Variants in TAFA2 observed in about 807,000 individuals in gnomAD.
TAFA2 encodes TAFA chemokine like family member 2.
A neutral mutation model predicts 18.8 loss-of-function variants in TAFA2; 7 were observed. The ratio of observed to expected loss-of-function variants is 0.37; its 90% CI spans 0.21 to 0.70. The LOEUF (loss-of-function observed/expected upper bound fraction) is 0.70. Ranked by LOEUF, TAFA2 falls within the 30% of genes least tolerant of loss-of-function variation. The probability of loss-of-function intolerance (pLI) is 0.53; values close to 1 mark genes in which losing one functional copy is unlikely to be tolerated. For missense variants in TAFA2, 122 were observed against 158.1 expected, an observed-to-expected ratio of 0.77 and a Z score of 1.23; for synonymous variants, 60 against 54.2, an observed-to-expected ratio of 1.11 and a Z score of -0.47.
chr12:61,888,270 T>C (rs1171820861), intron 1 of TAFA2, among the ~76,000 whole-genome samples: 1 of 152,180 alleles, frequency 6.6e-6, no homozygotes, highest in Non-Finnish European at 1.5e-5. Context: ...GCTAATTGCT[T>C]TTATAAGTGT....
chr12:61,738,319 A>ACACACG (rs1389421169), intron 4 of TAFA2, among the ~76,000 whole-genome samples: 1 of 147,276 alleles, frequency 6.8e-6, no homozygotes, highest in Admixed American at 6.9e-5. Context: ...ACACACACAC[A>ACACACG]CACACACACA....
intron 1 of TAFA2, among the ~76,000 whole-genome samples, chr12:62,010,271 C>T (rs370408627): frequency 6.6e-6 from 1 of 151,632 alleles, no homozygotes; most frequent in African/African-American, 2.4e-5. Context: ...CCCGGGCTCC[C>T]GTGGTTCTCC....
intron 4 of TAFA2, among the ~76,000 whole-genome samples, chr12:61,728,497 T>A (rs1285078127): frequency 6.6e-6 from 1 of 152,020 alleles, no homozygotes; most frequent in Non-Finnish European, 1.5e-5. Flanking sequence ...CCTCCTTTTT[T>A]TAATTGTTGT....
intron 1 of TAFA2, among the ~76,000 whole-genome samples, chr12:61,939,670 A>T (rs1177341579): frequency 1.3e-5 from 2 of 152,352 alleles, no homozygotes; most frequent in African/African-American, 4.8e-5. Context: ...GATACACATA[A>T]AATATGTAAT....
At chr12:62,159,079 A>G (rs76758071) in intron 1 of TAFA2, among the ~76,000 whole-genome samples, 7,203 of 152,350 alleles carry the variant, frequency 0.047, 252 homozygotes, top group Non-Finnish European at 0.073. Flanking sequence ...GACAGGAAAC[A>G]TAATTTCTTC....
At chr12:62,012,020 G>T (rs1880788260) in intron 1 of TAFA2, among the ~76,000 whole-genome samples, 1 of 152,168 alleles carries the variant, frequency 6.6e-6, no homozygotes, top group African/African-American at 2.4e-5. Flanking sequence ...ACTGACAATT[G>T]TTTGTACTTG....
chr12:62,073,702 T>C (rs193231969), intron 1 of TAFA2, among the ~76,000 whole-genome samples: 44 of 152,308 alleles, frequency 2.9e-4, no homozygotes, highest in Admixed American at 2.7e-3. Flanking sequence ...CATGTTAGTA[T>C]CCCCTTATTT....
At chr12:61,793,217 T>G (rs1871054853) in intron 2 of TAFA2, among the ~76,000 whole-genome samples, 1 of 151,426 alleles carries the variant, frequency 6.6e-6, no homozygotes, top group Non-Finnish European at 1.5e-5. Flanking sequence ...AGGGGAAAAT[T>G]ATACCTAAAG....
intron 1 of TAFA2, among the ~76,000 whole-genome samples, chr12:61,872,183 G>A (rs911986307): frequency 1.3e-5 from 2 of 152,110 alleles, no homozygotes; most frequent in African/African-American, 4.8e-5. Flanking sequence ...AAAAGGGGGG[G>A]AATAAAGGAG....
At chr12:62,233,066 C>CTCTTTTTTTT (rs2062819516) in intron 1 of TAFA2, among the ~76,000 whole-genome samples, 1 of 39,534 alleles carries the variant, frequency 2.5e-5, no homozygotes, top group African/African-American at 9.5e-5. Flanking sequence ...TTCTGCATCT[C>CTCTTTTTTTT]TTTTTTTTTT....
intron 1 of TAFA2, among the ~76,000 whole-genome samples, chr12:62,094,690 C>A (rs1213366514): frequency 6.6e-6 from 1 of 152,038 alleles, no homozygotes; most frequent in African/African-American, 2.4e-5. Context: ...CATATTCATT[C>A]ATTCCATCTT....
intron 1 of TAFA2, among the ~76,000 whole-genome samples, chr12:62,011,172 C>G (rs1880751255): frequency 6.6e-6 from 1 of 151,788 alleles, no homozygotes; most frequent in Admixed American, 6.6e-5. Context: ...AGTGCCTCTG[C>G]CCGGCTGCCC....
intron 1 of TAFA2, among the ~76,000 whole-genome samples, chr12:62,020,236 G>A (rs951322121): frequency 3.9e-5 from 6 of 152,082 alleles, no homozygotes; most frequent in African/African-American, 1.2e-4. Context: ...AGAAAGACAA[G>A]AATTAAAATA....
At position 61,898,684 on chromosome 12, in the gene TAFA2, T is replaced by A. The variant is rs547954943; in HGVS notation, c.-1-31258A>T. 3.3e-5 allele frequency among the ~76,000 whole-genome samples: 5 copies of A among 152,286 alleles called. No homozygotes were observed. The South Asian group carries it at 1.0e-3, about 32-fold the overall frequency. On this transcript the variant is annotated intron_variant, in intron 1 of 4. Transcript: ENST00000416284. ...GGGCCCTGCCCATGAAGCCATTTTT[T>A]CCTCCTAGCCCTACAGGCCAGTGAT...
intron 1 of TAFA2, among the ~76,000 whole-genome samples, chr12:61,968,575 T>C (rs534327974): frequency 6.6e-6 from 1 of 151,922 alleles, no homozygotes; most frequent in African/African-American, 2.4e-5. Context: ...CAGGTCTGCT[T>C]TGCTTGTCTA....
intron 1 of TAFA2, among the ~76,000 whole-genome samples, chr12:62,072,744 C>A (rs929544180): frequency 6.6e-6 from 1 of 152,156 alleles, no homozygotes. Context: ...CGTGATCACA[C>A]CACTGCACTT....
chr12:62,100,907 G>A (rs78214627), intron 1 of TAFA2, among the ~76,000 whole-genome samples: 29 of 152,198 alleles, frequency 1.9e-4, no homozygotes, highest in African/African-American at 6.3e-4. Context: ...AAACTGAAGC[G>A]TAAAAGTTTA....
chr12:62,013,049 G>T (rs993090642), intron 1 of TAFA2, among the ~76,000 whole-genome samples: 1 of 152,068 alleles, frequency 6.6e-6, no homozygotes, highest in Non-Finnish European at 1.5e-5. Context: ...TACAAGGGGA[G>T]CATTTAGATT....
intron 1 of TAFA2, among the ~76,000 whole-genome samples, chr12:62,009,915 G>C (rs4965014): frequency 0.41 from 61,893 of 151,936 alleles, 13,209 homozygotes; most frequent in Non-Finnish European, 0.47. Flanking sequence ...ACAAAGTACT[G>C]TGTGTTTAAA....
Sources: gnomAD v4.1 joint callset for allele counts (sites outside exome capture counted in the v4.1 genomes callset) on GRCh38, gnomAD v4.1.1 for gene constraint, MANE v1.5 for transcripts, NCBI Gene and HGNC (gene_info 2026-07-23, HGNC 2026-07-21) for gene names.